HCK: variants seen among roughly 807,000 people sequenced by gnomAD.
The protein encoded by HCK is tyrosine-protein kinase HCK.
In HCK, 40 loss-of-function variants were observed where a neutral mutation model predicts 70.4. The observed-to-expected ratio is 0.57, with a 90% confidence interval of 0.44 to 0.74. The LOEUF (loss-of-function observed/expected upper bound fraction) is 0.74, where lower values mean the gene tolerates loss of function less well. HCK is among the 30% of genes least tolerant of loss of function. HCK has a pLI of 0.00. For synonymous variants in HCK, 245 were observed against 263.2 expected, an observed-to-expected ratio of 0.93 and a Z score of 0.67; for missense variants, 568 against 697.2, an observed-to-expected ratio of 0.81 and a Z score of 2.09.
At chr20:32,064,888 G>A (rs1470006257) in intron 1 of HCK, among the ~76,000 whole-genome samples, 1 of 152,262 alleles carries the variant, frequency 6.6e-6, no homozygotes, top group Non-Finnish European at 1.5e-5. Flanking sequence ...GACGGCAGTG[G>A]CCCGAGGAAG....
intron 5 of HCK, among the ~76,000 whole-genome samples, chr20:32,078,920 G>T (rs181535628): frequency 1.3e-5 from 2 of 150,716 alleles, no homozygotes; most frequent in African/African-American, 4.9e-5. Context: ...AGAGCTGTTG[G>T]GTGGATAGCA....
In HCK at chr20:32,072,063, C is replaced by G. The variant is rs1600718701; in HGVS notation, c.183+281C>G. 4 of 434,776 alleles carry G rather than the reference C, an allele frequency of 9.2e-6. No individual in the cohort carries two copies. In the East Asian group the frequency reaches 1.5e-4, roughly 16 times the overall value. The allele number at this position is 434,776 out of a possible 1,614,324, so 26.9% of individuals were successfully genotyped here. ...GAGCATCTCAGGCCTCCGGCCTGGG[C>G]AGAAGCAAAAGCAGTGCTGAGAAAC... On this transcript the variant is annotated intron_variant, in intron 2 of 12. Transcript: ENST00000375852.
intron 1 of HCK, among the ~76,000 whole-genome samples, chr20:32,056,788 C>T (rs2045278996): frequency 6.6e-6 from 1 of 152,112 alleles, no homozygotes; most frequent in Non-Finnish European, 1.5e-5. Flanking sequence ...AAGGACTAGC[C>T]AGGGCTTGGA....
chr20:32,063,921 C>A (rs1177916823), intron 1 of HCK, among the ~76,000 whole-genome samples: 1 of 149,128 alleles, frequency 6.7e-6, no homozygotes, highest in Non-Finnish European at 1.5e-5. Context: ...TGCTGCAGGC[C>A]TTTTTTTCCA....
chr20:32,096,903 G>A (rs536571734), intron 11 of HCK, among the ~76,000 whole-genome samples: 1 of 151,554 alleles, frequency 6.6e-6, no homozygotes, highest in East Asian at 1.9e-4. Flanking sequence ...GTGATTACAA[G>A]GGTATATATA....
At chr20:32,083,107 G>T (rs2045730180) in intron 6 of HCK, among the ~76,000 whole-genome samples, 1 of 151,986 alleles carries the variant, frequency 6.6e-6, no homozygotes, top group Admixed American at 6.6e-5. Context: ...GCATTCCTTG[G>T]CTCATAGTCC....
intron 7 of HCK, 62 bp downstream of exon 7, chr20:32,084,105 A>T: frequency 1.9e-6 from 3 of 1,557,068 alleles, no homozygotes; most frequent in Non-Finnish European, 2.6e-6. Flanking sequence ...CTAGTCACGG[A>T]TGCACTGTGG....
rs78428608 is a variant in HCK, at chr20:32,084,907, C to T, written c.835+364C>T. Among the ~76,000 whole-genome samples the T allele has an allele frequency of 2.2e-3, 333 of 152,312 alleles. 3 individuals carry two copies. In the East Asian group the frequency reaches 0.04, roughly 18 times the overall value. On this transcript the variant is annotated intron_variant, in intron 8 of 12. Transcript: ENST00000375852. ...ATGGGGAAATGCAGCTTGGAGATTTCCAGGCAACTGATGAACAGGTTATTC... is the reference window on the plus strand; with the variant it reads ...ATGGGGAAATGCAGCTTGGAGATTTTCAGGCAACTGATGAACAGGTTATTC...
rs774033506 is a variant in HCK, at chr20:32,094,010, C to T, written c.1240C>T (p.Arg414Trp). ...CATTGAGGACAACGAGTACACGGCTCGGGAAGGTAGGGAACGCTGCCAAGC... is the reference window on the plus strand; with the variant it reads ...CATTGAGGACAACGAGTACACGGCTTGGGAAGGTAGGGAACGCTGCCAAGC... Residue 414 changes from arginine (R) to tryptophan (W), a missense_variant, in exon 11 of 13, where the codon CGG (arginine) becomes TGG (tryptophan). Arg to Trp is a moderately radical substitution (Grantham distance 101). Coordinates refer to ENST00000375852, the MANE Select transcript of HCK (RefSeq NM_002110.5). The T allele has an allele frequency of 2.5e-6, 4 of 1,612,406 alleles. No homozygotes were observed. In the South Asian group the frequency reaches 4.4e-5, roughly 18 times the overall value.
Position 32,083,979 on chromosome 20 carries a change from G to A in HCK, c.618G>A (p.Gly206=), listed in dbSNP as rs2045743465. The change falls in exon 7 of 13, where the codon GGG becomes GGA. Residue 206 remains glycine, a synonymous_variant. Transcript: ENST00000375852. ...ACAAGATCCGGACCCTGGACAACGG[G>A]GGCTTCTACATATCCCCCCGAAGCA... is the stretch of plus-strand genomic sequence containing the variant. The A allele has an allele frequency of 6.2e-7, 1 of 1,614,196 alleles. No individual in the cohort carries two copies. Among genetic ancestry groups the A allele is most frequent in the Admixed American group, 1.7e-5 (1 of 60,028 alleles).
At chr20:32,055,423 T>A (rs1270731918) in intron 1 of HCK, among the ~76,000 whole-genome samples, 1 of 152,228 alleles carries the variant, frequency 6.6e-6, no homozygotes, top group African/African-American at 2.4e-5. Context: ...TCATGTATCT[T>A]TATGTAGTCT....
At chr20:32,066,792 G>A (rs1831272290) in intron 1 of HCK, among the ~76,000 whole-genome samples, 1 of 152,144 alleles carries the variant, frequency 6.6e-6, no homozygotes. Flanking sequence ...AGTACTCAAT[G>A]GTAGTAGCAG....
At position 32,073,327 on chromosome 20, in the gene HCK, T is replaced by C. The variant is rs34513177; in HGVS notation, c.192T>C (p.Asn64=). The change falls in exon 3 of 13, where the codon AAT becomes AAC. Residue 64 remains asparagine, a synonymous_variant. Transcript: ENST00000375852. Reference sequence around the variant, plus strand: ...TCATTTCTTCCCCACAGGGGCCTAATAGCCACAACAGCAACACACCAGGAA... The same window carrying C: ...TCATTTCTTCCCCACAGGGGCCTAACAGCCACAACAGCAACACACCAGGAA... 8.4e-3 allele frequency: 13,489 copies of C among 1,611,380 alleles called. 77 individuals are homozygous for C. The highest frequency in any genetic ancestry group is 0.016 in the Middle Eastern group (96 of 6,056).
At chr20:32,088,704 A>C (rs954465099) in intron 10 of HCK, 60 bp downstream of exon 10, 4 of 1,242,100 alleles carry the variant, frequency 3.2e-6, no homozygotes, top group Non-Finnish European at 4.7e-6. Flanking sequence ...TTACTTGCCA[A>C]ATATTTACTG....
rs757805734 is a variant in HCK, at chr20:32,088,561, CAT to C, written c.1016-3_1016-2del. On this transcript the variant is annotated splice_region_variant and splice_polypyrimidine_tract_variant and intron_variant, in intron 9 of 12. Coordinates refer to ENST00000375852, the MANE Select transcript of HCK (RefSeq NM_002110.5). ...TAGTAAATGTTCCTCCCCTCTCCCCCATATAGGAAGCTTGCTGGACTTTCTGA... is the reference window on the plus strand; with the variant it reads ...TAGTAAATGTTCCTCCCCTCTCCCCCATAGGAAGCTTGCTGGACTTTCTGA... 1.2e-6 allele frequency: 2 copies of C among 1,609,030 alleles called. No individual in the cohort carries two copies.
intron 8 of HCK, 67 bp from the exon 9 acceptor site, chr20:32,086,561 G>A: frequency 2.2e-6 from 3 of 1,363,242 alleles, no homozygotes; most frequent in Middle Eastern, 2.6e-4. Flanking sequence ...CTGCAGCTGG[G>A]CCTTCTAGGG....
chr20:32,077,171 C>T (rs1365875093), intron 5 of HCK, among the ~76,000 whole-genome samples: 1 of 152,214 alleles, frequency 6.6e-6, no homozygotes, highest in African/African-American at 2.4e-5. Context: ...CAAGAAACTG[C>T]TAACAGAGGT....
intron 3 of HCK, 116 bp from the exon 4 acceptor site, chr20:32,073,600 A>T: frequency 1.4e-6 from 1 of 709,858 alleles, no homozygotes; most frequent in Non-Finnish European, 2.4e-6. Context: ...ACGCCTACTT[A>T]TACTTGGAAC....
At chr20:32,095,586 G>C (rs1172379291) in intron 11 of HCK, among the ~76,000 whole-genome samples, 1 of 152,120 alleles carries the variant, frequency 6.6e-6, no homozygotes, top group African/African-American at 2.4e-5. Context: ...GAGACAGAAA[G>C]TAGATTATTG....
Sources: gnomAD v4.1 joint callset for allele counts (sites outside exome capture counted in the v4.1 genomes callset) on GRCh38, gnomAD v4.1.1 for gene constraint, MANE v1.5 for transcripts, NCBI Gene and HGNC (gene_info 2026-07-23, HGNC 2026-07-21) for gene names.